Variants in CCDC178 observed in about 807,000 individuals in gnomAD.
CCDC178 encodes the protein coiled-coil domain-containing protein 178.
Under a neutral mutation model 117.4 loss-of-function variants are expected in CCDC178, and 126 were observed. The ratio of observed to expected loss-of-function variants is 1.07; its 90% CI spans 0.93 to 1.24. The LOEUF is 1.24. CCDC178 is among the 50% of genes most tolerant of loss of function. The pLI is 0.00. For missense variants in CCDC178, 1,030 were observed against 986.9 expected, an observed-to-expected ratio of 1.04 and a Z score of -0.59; for synonymous variants, 283 against 313.4, an observed-to-expected ratio of 0.90 and a Z score of 1.02.
intron 20 of CCDC178, among the ~76,000 whole-genome samples, chr18:33,118,114 T>C (rs1211900026): frequency 6.6e-6 from 1 of 152,114 alleles, no homozygotes; most frequent in Non-Finnish European, 1.5e-5. Context: ...AATGTATTGA[T>C]AGGCCAATGC....
rs564621308 is a variant in CCDC178, at chr18:33,375,086, G to A, written c.209-4897C>T. Among the ~76,000 whole-genome samples, 16 of 152,214 alleles carry A rather than the reference G, an allele frequency of 1.1e-4. No homozygotes were observed. In the East Asian group the frequency reaches 3.1e-3, roughly 29 times the overall value. On this transcript the variant is annotated intron_variant, in intron 5 of 22. Coordinates refer to ENST00000383096, the MANE Select transcript of CCDC178 (RefSeq NM_001105528.4). ...AGTCATTCACTTATACACTGTAAAT[G>A]AGTGGATTGTATTGCATTTAAATTG...
chr18:33,282,469 A>C (rs1313322031), intron 12 of CCDC178, among the ~76,000 whole-genome samples: 1 of 151,738 alleles, frequency 6.6e-6, no homozygotes, highest in East Asian at 1.9e-4. Context: ...TGACCTATGC[A>C]CTCCTTGGTC....
intron 6 of CCDC178, among the ~76,000 whole-genome samples, chr18:33,358,491 C>T (rs1049836803): frequency 1.3e-5 from 2 of 151,754 alleles, no homozygotes; most frequent in African/African-American, 4.8e-5. Context: ...TAAAATCATA[C>T]ATGAAACTTT....
chr18:33,249,254 A>G (rs182202998), intron 14 of CCDC178, among the ~76,000 whole-genome samples: 2 of 152,230 alleles, frequency 1.3e-5, no homozygotes, highest in Admixed American at 1.3e-4. Context: ...TTTGCTGTGC[A>G]GAAGCTCTTC....
chr18:32,965,640 T>G (rs2054795068), intron 22 of CCDC178, among the ~76,000 whole-genome samples: 1 of 151,794 alleles, frequency 6.6e-6, no homozygotes, highest in Non-Finnish European at 1.5e-5. Flanking sequence ...GGAGTGTATC[T>G]TTAGTATAAA....
intron 4 of CCDC178, among the ~76,000 whole-genome samples, chr18:33,395,698 G>A (rs1343291862): frequency 6.6e-6 from 1 of 151,974 alleles, no homozygotes; most frequent in Admixed American, 6.6e-5. Context: ...TGTATACTCT[G>A]GAAGAAGTCA....
intron 20 of CCDC178, among the ~76,000 whole-genome samples, chr18:33,146,553 G>A (rs1278187539): frequency 6.6e-6 from 1 of 152,182 alleles, no homozygotes; most frequent in Non-Finnish European, 1.5e-5. Flanking sequence ...ATGGGAGGCT[G>A]AGGCAGAGGA....
chr18:33,236,256 TAG>T (rs1360371903), intron 15 of CCDC178, among the ~76,000 whole-genome samples: 1 of 152,174 alleles, frequency 6.6e-6, no homozygotes, highest in Non-Finnish European at 1.5e-5. Context: ...TTCTCAGATT[TAG>T]AGTGTTCTAA....
Position 33,397,022 on chromosome 18 carries a change from T to C in CCDC178, c.118+127A>G, listed in dbSNP as rs2063646918. 3 of 640,820 alleles carry C rather than the reference T, an allele frequency of 4.7e-6. No homozygotes were observed. In the Middle Eastern group the frequency reaches 1.2e-3, roughly 249 times the overall value. The allele number at this position is 640,820 out of a possible 1,614,324, so 39.7% of individuals were successfully genotyped here. The stretch of plus-strand genomic sequence containing the variant: ...AAAGAAGCGTTACGATTATTCTCAT[T>C]GATAGAACATCAATTAGGAAGAACA... On this transcript the variant is annotated intron_variant, in intron 4 of 22. Transcript: ENST00000383096.
chr18:33,280,264 C>G (rs981299783), intron 12 of CCDC178, among the ~76,000 whole-genome samples: 1 of 152,046 alleles, frequency 6.6e-6, no homozygotes, highest in Non-Finnish European at 1.5e-5. Flanking sequence ...AAGAGAAAAA[C>G]AAAGAACCCC....
At chr18:33,322,596 T>C (rs1025943790) in intron 11 of CCDC178, among the ~76,000 whole-genome samples, 1 of 151,730 alleles carries the variant, frequency 6.6e-6, no homozygotes, top group Admixed American at 6.6e-5. Context: ...ATAGAAATTT[T>C]AAAAATACAT....
intron 5 of CCDC178, among the ~76,000 whole-genome samples, chr18:33,378,373 T>C (rs1049093708): frequency 6.6e-6 from 1 of 152,230 alleles, no homozygotes; most frequent in African/African-American, 2.4e-5. Flanking sequence ...TACAATCATA[T>C]TGTCAGCAAA....
chr18:33,255,176 C>A (rs1295373874), intron 14 of CCDC178, among the ~76,000 whole-genome samples: 2 of 152,016 alleles, frequency 1.3e-5, no homozygotes, highest in Non-Finnish European at 2.9e-5. Flanking sequence ...GCACGAAAGC[C>A]CTAGCCAGGA....
At chr18:33,407,268 A>G (rs1312831303) in intron 3 of CCDC178, among the ~76,000 whole-genome samples, 2 of 152,136 alleles carry the variant, frequency 1.3e-5, no homozygotes, top group Non-Finnish European at 2.9e-5. Flanking sequence ...TGACTCTCCA[A>G]TCCTTTTTAT....
chr18:33,408,725 C>T (rs1383254888), intron 3 of CCDC178, among the ~76,000 whole-genome samples: 1 of 152,086 alleles, frequency 6.6e-6, no homozygotes, highest in African/African-American at 2.4e-5. Context: ...AATTCATTCT[C>T]TGCCTGTTAT....
chr18:33,056,189 G>A (rs2056827283), intron 21 of CCDC178, among the ~76,000 whole-genome samples: 1 of 152,196 alleles, frequency 6.6e-6, no homozygotes, highest in Non-Finnish European at 1.5e-5. Flanking sequence ...TGATTGAAAT[G>A]TCAATTCTAC....
intron 17 of CCDC178, among the ~76,000 whole-genome samples, chr18:33,224,105 C>T (rs271428): frequency 0.16 from 24,443 of 151,976 alleles, 2,736 homozygotes; most frequent in African/African-American, 0.32. Context: ...TTATCAAAGA[C>T]TAAAAATATA....
chr18:33,000,656 CA>C (rs1356414080), intron 21 of CCDC178, among the ~76,000 whole-genome samples: 1 of 152,128 alleles, frequency 6.6e-6, no homozygotes, highest in African/African-American at 2.4e-5. Flanking sequence ...GGAAAACTTA[CA>C]AGCCAGGTGA....
chr18:33,015,632 G>A (rs2055971865), intron 21 of CCDC178, among the ~76,000 whole-genome samples: 1 of 149,750 alleles, frequency 6.7e-6, no homozygotes, highest in Non-Finnish European at 1.5e-5. Context: ...GGAAAATATG[G>A]TAAATAGAAA....
Sources: gnomAD v4.1 joint callset for allele counts (sites outside exome capture counted in the v4.1 genomes callset) on GRCh38, gnomAD v4.1.1 for gene constraint, MANE v1.5 for transcripts, NCBI Gene and HGNC (gene_info 2026-07-23, HGNC 2026-07-21) for gene names.